Variants in IMMP1L observed in about 807,000 individuals in gnomAD.
IMMP1L encodes the protein inner mitochondrial membrane peptidase subunit 1.
Under a neutral mutation model 21.8 loss-of-function variants are expected in IMMP1L, and 24 were observed. The observed-to-expected ratio is 1.10, with a 90% CI of 0.80 to 1.55. The LOEUF is 1.55. Ranked by LOEUF, IMMP1L falls within the 40% of genes most tolerant of loss-of-function variation. The pLI, the probability that IMMP1L is intolerant of heterozygous loss-of-function variation, is 0.00. For missense variants in IMMP1L, 195 were observed against 200.7 expected, an observed-to-expected ratio of 0.97 and a Z score of 0.17; for synonymous variants, 46 against 62.8, an observed-to-expected ratio of 0.73 and a Z score of 1.26.
chr11:31,449,471 G>GT (rs1419669980), intron 4 of IMMP1L, among the ~76,000 whole-genome samples: 1 of 152,086 alleles, frequency 6.6e-6, no homozygotes, highest in Non-Finnish European at 1.5e-5. Flanking sequence ...TTGTCCATCA[G>GT]TTTTATTTAA....
intron 1 of IMMP1L, among the ~76,000 whole-genome samples, chr11:31,500,111 CA>C (rs1955570708): frequency 6.6e-6 from 1 of 151,982 alleles, no homozygotes; most frequent in South Asian, 2.1e-4. Context: ...CACATTAAAG[CA>C]AAGTACACCA....
intron 1 of IMMP1L, among the ~76,000 whole-genome samples, chr11:31,473,976 C>T (rs986489003): frequency 2.0e-5 from 3 of 151,862 alleles, no homozygotes; most frequent in Admixed American, 6.6e-5. Context: ...ATTTTTGTTC[C>T]GATAGAGGAA....
intron 4 of IMMP1L, among the ~76,000 whole-genome samples, chr11:31,455,119 A>C (rs1255505987): frequency 1.3e-5 from 2 of 152,208 alleles, no homozygotes; most frequent in African/African-American, 4.8e-5. Context: ...GCTGAACCAC[A>C]GTCTATTACA....
At chr11:31,477,384 A>G (rs1460472223) in intron 1 of IMMP1L, 1 of 238,196 alleles carries the variant, frequency 4.2e-6, no homozygotes, top group Admixed American at 6.5e-5. Flanking sequence ...CAATAGCTTA[A>G]TAAATTTTGA....
chr11:31,491,010 C>T (rs1955236640), intron 1 of IMMP1L, among the ~76,000 whole-genome samples: 1 of 152,122 alleles, frequency 6.6e-6, no homozygotes, highest in African/African-American at 2.4e-5. Flanking sequence ...GGATGCCCCC[C>T]TAGAGTTTTC....
intron 1 of IMMP1L, among the ~76,000 whole-genome samples, chr11:31,501,813 A>G (rs924323644): frequency 5.4e-5 from 8 of 148,302 alleles, no homozygotes; most frequent in Non-Finnish European, 8.8e-5. Flanking sequence ...AAATAAATAA[A>G]TAAATAAATA....
intron 1 of IMMP1L, among the ~76,000 whole-genome samples, chr11:31,505,587 T>TA (rs764057516): frequency 1.3e-5 from 2 of 152,158 alleles, no homozygotes; most frequent in Non-Finnish European, 2.9e-5. Flanking sequence ...AATGGTACTG[T>TA]ACAAAAACAT....
chr11:31,432,718 T>TAAGA (rs1952952120), intron 5 of IMMP1L, 150 bp from the exon 6 acceptor site: 1 of 624,634 alleles, frequency 1.6e-6, no homozygotes, highest in African/African-American at 1.8e-5. Flanking sequence ...TACATCAAAG[T>TAAGA]AAGACTTGAG....
chr11:31,505,759 C>T (rs552891900), intron 1 of IMMP1L, among the ~76,000 whole-genome samples: 77 of 152,324 alleles, frequency 5.1e-4, no homozygotes, highest in Middle Eastern at 3.4e-3. Context: ...GCTCAGACTA[C>T]TCAACATGAA....
At chr11:31,461,705 T>C (rs1004050884) in intron 2 of IMMP1L, among the ~76,000 whole-genome samples, 1 of 152,140 alleles carries the variant, frequency 6.6e-6, no homozygotes, top group Non-Finnish European at 1.5e-5. Flanking sequence ...TAAATGAATT[T>C]TGCGTTCAGA....
intron 1 of IMMP1L, among the ~76,000 whole-genome samples, chr11:31,463,626 A>G (rs1954228936): frequency 6.6e-6 from 1 of 152,194 alleles, no homozygotes; most frequent in African/African-American, 2.4e-5. Context: ...TAAAAAAGAT[A>G]GTAACTCTTT....
At chr11:31,461,815 G>A (rs1336238762) in intron 2 of IMMP1L, among the ~76,000 whole-genome samples, 2 of 152,108 alleles carry the variant, frequency 1.3e-5, no homozygotes, top group Non-Finnish European at 2.9e-5. Flanking sequence ...AAGCATTTCA[G>A]ATAAGGGATA....
intron 1 of IMMP1L, among the ~76,000 whole-genome samples, chr11:31,488,035 A>C (rs1053193342): frequency 6.6e-6 from 1 of 152,126 alleles, no homozygotes; most frequent in Non-Finnish European, 1.5e-5. Context: ...ACAAAATTAC[A>C]TTGTGTCCAG....
At chr11:31,459,243 G>GT (rs1278085773) in intron 3 of IMMP1L, among the ~76,000 whole-genome samples, 4 of 152,184 alleles carry the variant, frequency 2.6e-5, no homozygotes, top group African/African-American at 9.6e-5. Flanking sequence ...TCTAAGGCTG[G>GT]TGAAAGATCA....
chr11:31,449,888 T>A (rs1216753855), intron 4 of IMMP1L, among the ~76,000 whole-genome samples: 1 of 152,202 alleles, frequency 6.6e-6, no homozygotes, highest in Admixed American at 6.5e-5. Context: ...TACAGATTTG[T>A]TTCCTGTAAC....
chr11:31,479,765 C>G (rs892023092), intron 1 of IMMP1L, among the ~76,000 whole-genome samples: 9 of 152,022 alleles, frequency 5.9e-5, no homozygotes, highest in Non-Finnish European at 1.2e-4. Context: ...GAAAGCACCA[C>G]TTTAGCAGGT....
At chr11:31,457,913 G>A (rs965875503) in intron 3 of IMMP1L, among the ~76,000 whole-genome samples, 1 of 152,126 alleles carries the variant, frequency 6.6e-6, no homozygotes, top group Non-Finnish European at 1.5e-5. Context: ...GCCTTCTTTT[G>A]AAAACAGAAT....
At chr11:31,440,396 C>CT (rs528274355) in intron 4 of IMMP1L, among the ~76,000 whole-genome samples, 5 of 151,906 alleles carry the variant, frequency 3.3e-5, no homozygotes, top group Admixed American at 2.0e-4. Context: ...TTAAAAAAAA[C>CT]TTTTTTTTCT....
chr11:31,469,785 TAG>T (rs1354700011), intron 1 of IMMP1L: 2 of 152,100 alleles, frequency 1.3e-5, no homozygotes, highest in East Asian at 1.9e-4. Context: ...CCAGGCACAG[TAG>T]AGTCAAGATG....
Sources: gnomAD v4.1 joint callset for allele counts (sites outside exome capture counted in the v4.1 genomes callset) on GRCh38, gnomAD v4.1.1 for gene constraint, MANE v1.5 for transcripts, NCBI Gene and HGNC (gene_info 2026-07-23, HGNC 2026-07-21) for gene names.